Variants in RGPD4 observed in about 807,000 individuals in gnomAD.
RGPD4 encodes ranBP2-like and GRIP domain-containing protein 4.
A neutral mutation model predicts 141.1 loss-of-function variants in RGPD4; 84 were observed. That is an observed-to-expected ratio of 0.60 (90% CI 0.50 to 0.71). The LOEUF is 0.71. Ranked by LOEUF, RGPD4 falls within the 30% of genes least tolerant of loss-of-function variation. RGPD4 has a pLI of 0.00. For missense variants in RGPD4, 918 were observed against 1,622.4 expected (o/e 0.57, Z 7.46); for synonymous variants, 298 against 566.8 (o/e 0.53, Z 6.74).
chr2:107,846,307 C>A (rs962053419), intron 6 of RGPD4, among the ~76,000 whole-genome samples: 4 of 151,690 alleles, frequency 2.6e-5, no homozygotes, highest in Admixed American at 6.6e-5. Context: ...ACATCGTGAT[C>A]CGCCTGCCTT....
intron 1 of RGPD4, among the ~76,000 whole-genome samples, chr2:107,830,423 C>G (rs1681442223): frequency 2.0e-5 from 3 of 151,144 alleles, no homozygotes; most frequent in African/African-American, 7.3e-5. Flanking sequence ...TTAAAAACCA[C>G]TGGTCTAGAC....
Position 107,879,975 on chromosome 2 carries a change from A to T in RGPD4, c.4932A>T (p.Pro1644=), listed in dbSNP as rs748274336. 3 of 1,611,236 alleles carry T rather than the reference A, an allele frequency of 1.9e-6. No individual in the cohort carries two copies. The East Asian group carries it at 6.7e-5, about 36-fold the overall frequency. ...YTFKTPEKEP[P]LWHAEFTKEE... ...TGGAACAACATGTTGCAGAGCCTCC[A>T]TTATGGCATGCTGAATTTACCAAAG... Residue 1644 remains proline, a synonymous_variant, in exon 21 of 23, where the codon CCA becomes CCT. Coordinates refer to ENST00000408999, the MANE Select transcript of RGPD4 (RefSeq NM_182588.3).
At chr2:107,829,902 T>C (rs992565314) in intron 1 of RGPD4, among the ~76,000 whole-genome samples, 61 of 151,880 alleles carry the variant, frequency 4.0e-4, no homozygotes, top group Non-Finnish European at 7.8e-4. Context: ...CTTTATATGC[T>C]GCGGCGGAGG....
chr2:107,890,904 T>C lies in RGPD4; in HGVS notation c.*173T>C. 4.5e-6 allele frequency: 3 copies of C among 662,298 alleles called. No individual in the cohort carries two copies. Among genetic ancestry groups the C allele is most frequent in the South Asian group, 3.9e-5 (2 of 50,964 alleles). The allele number at this position is 662,298 out of a possible 1,614,324, so 41.0% of individuals were successfully genotyped here. On this transcript the variant is annotated 3_prime_UTR_variant, in exon 23 of 23. Coordinates refer to ENST00000408999, the MANE Select transcript of RGPD4 (RefSeq NM_182588.3). Reference sequence around the variant, plus strand: ...GTGTGTATATGTTTGCATTTACATATATTTGTACATCTATATGACAGATGT... The same window carrying C: ...GTGTGTATATGTTTGCATTTACATACATTTGTACATCTATATGACAGATGT...
In RGPD4 at chr2:107,827,046, C is replaced by T. The variant is rs552522111; in HGVS notation, c.33C>T (p.Tyr11=). MSCSKAYGER[Y]VASVQGSAPS... is the part of the protein sequence containing the mutation. ...GCAGCAAGGCCTACGGGGAGCGGTA[C>T]GTCGCCTCCGTGCAGGGCTCCGCCC... is the stretch of plus-strand genomic sequence containing the variant. Residue 11 remains tyrosine, a synonymous_variant, in exon 1 of 23, where the codon TAC becomes TAT. Coordinates refer to ENST00000408999, the MANE Select transcript of RGPD4 (RefSeq NM_182588.3). The T allele has an allele frequency of 2.3e-4, 373 of 1,598,072 alleles. 4 individuals carry two copies. In the East Asian group the frequency reaches 6.6e-3, roughly 28 times the overall value.
chr2:107,885,010 G>A (rs907998757), intron 22 of RGPD4, among the ~76,000 whole-genome samples: 1 of 151,832 alleles, frequency 6.6e-6, no homozygotes, highest in Admixed American at 6.6e-5. Flanking sequence ...AATGATGAAG[G>A]AGGAATGTTC....
Position 107,890,918 on chromosome 2 carries a change from T to C in RGPD4, c.*187T>C, listed in dbSNP as rs1675640684. 6.1e-6 allele frequency: 4 copies of C among 651,060 alleles called. No homozygotes were observed. In the Middle Eastern group the frequency reaches 1.1e-3, roughly 179 times the overall value. 40.3% of individuals were successfully genotyped at this position (651,060 alleles called of 1,614,324 possible). ...GCATTTACATATATTTGTACATCTATATGACAGATGTATTTTAAAAGTTTC... is the reference window on the plus strand; with the variant it reads ...GCATTTACATATATTTGTACATCTACATGACAGATGTATTTTAAAAGTTTC... On this transcript the variant is annotated 3_prime_UTR_variant, in exon 23 of 23. Coordinates refer to ENST00000408999, the MANE Select transcript of RGPD4 (RefSeq NM_182588.3).
At chr2:107,827,152 G>C (rs1322081037) in intron 1 of RGPD4, 67 bp downstream of exon 1, 28 of 553,070 alleles carry the variant, frequency 5.1e-5, no homozygotes, top group Non-Finnish European at 5.8e-5. Flanking sequence ...GACCTGGCCC[G>C]GCGGCGGCCT....
chr2:107,863,649 G>A (rs1682633847), intron 17 of RGPD4, among the ~76,000 whole-genome samples: 1 of 151,532 alleles, frequency 6.6e-6, no homozygotes, highest in Non-Finnish European at 1.5e-5. Context: ...CCCGCCACCA[G>A]GCCCAGCTAA....
rs1195281389 is a variant in RGPD4 at position 107,845,746 on chromosome 2, A to T, written c.782+2016A>T. Among the ~76,000 whole-genome samples the T allele has an allele frequency of 4.6e-5, 7 of 151,898 alleles. No homozygotes were observed. The East Asian group carries it at 1.4e-3, about 30-fold the overall frequency. ...GCTCGGCTAATTTTTTTGTATTTTT[A>T]GTAGAGACGGAGTGTCACCTTGTTA... On this transcript the variant is annotated intron_variant, in intron 6 of 22. Coordinates refer to ENST00000408999, the MANE Select transcript of RGPD4 (RefSeq NM_182588.3).
At chr2:107,854,750 T>A (rs1453072446) in intron 8 of RGPD4, 107 bp downstream of exon 8, 5 of 1,513,384 alleles carry the variant, frequency 3.3e-6, no homozygotes, top group South Asian at 2.5e-5. Context: ...TTGTCAAAAT[T>A]ATTTCTTTTC....
rs531703912 is a variant in RGPD4 at position 107,880,427 on chromosome 2, C to A, written c.5064+320C>A. On this transcript the variant is annotated intron_variant, in intron 21 of 22. Transcript: ENST00000408999. ...TACAGGTGCCCGCCAACATGCCTGG[C>A]TAATTTCTTTGTATTTTTAGTAGAG... Among the ~76,000 whole-genome samples, 423 of 150,838 alleles carry A rather than the reference C, an allele frequency of 2.8e-3. 11 individuals are homozygous for A. Among genetic ancestry groups the A allele is most frequent in the African/African-American group, 9.5e-3 (387 of 40,622 alleles).
At chr2:107,829,664 C>T (rs866739399) in intron 1 of RGPD4, among the ~76,000 whole-genome samples, 3 of 152,122 alleles carry the variant, frequency 2.0e-5, no homozygotes, top group Non-Finnish European at 2.9e-5. Flanking sequence ...GTGGCACTTG[C>T]GAGCGCAGGA....
chr2:107,854,300 G>T (rs1682224169), intron 7 of RGPD4, among the ~76,000 whole-genome samples: 1 of 151,212 alleles, frequency 6.6e-6, no homozygotes, highest in South Asian at 2.1e-4. Context: ...CTGACCTCAA[G>T]TGATCAGCCC....
intron 1 of RGPD4, 121 bp from the exon 2 acceptor site, chr2:107,836,480 AT>A: frequency 1.3e-5 from 14 of 1,053,374 alleles, no homozygotes; most frequent in African/African-American, 1.6e-5. Context: ...TTTAAAAAAA[AT>A]TTTTAAGTGA....
chr2:107,847,165 C>G (rs1467694865), intron 6 of RGPD4, among the ~76,000 whole-genome samples: 1 of 143,834 alleles, frequency 7.0e-6, no homozygotes, highest in African/African-American at 2.6e-5. Context: ...TCGCTTGAAC[C>G]TGGGAGTCAG....
intron 22 of RGPD4, among the ~76,000 whole-genome samples, chr2:107,884,159 G>A (rs1675443915): frequency 6.6e-6 from 1 of 152,022 alleles, no homozygotes; most frequent in East Asian, 1.9e-4. Flanking sequence ...CACCCTGGCT[G>A]GAGTGCAGTG....
At chr2:107,828,629 C>T (rs1198316536) in intron 1 of RGPD4, among the ~76,000 whole-genome samples, 2,548 of 23,610 alleles carry the variant, frequency 0.11, 7 homozygotes, top group Non-Finnish European at 0.16. Flanking sequence ...CCTGGCCCGG[C>T]GGCGGCCTCG....
At position 107,827,055 on chromosome 2, in the gene RGPD4, C is replaced by G. The variant is rs7576738; in HGVS notation, c.42C>G (p.Ser14=). 0.7 allele frequency: 1,097,312 copies of G among 1,561,608 alleles called. 393,888 individuals carry two copies. The highest frequency in any genetic ancestry group is 0.77 in the African/African-American group (52,909 of 68,384). The change falls in exon 1 of 23, where the codon TCC becomes TCG. Residue 14 remains serine (S), a synonymous_variant. Transcript: ENST00000408999. ...SKAYGERYVA[S]VQGSAPSPRK... ...CCTACGGGGAGCGGTACGTCGCCTC[C>G]GTGCAGGGCTCCGCCCCGTCGCCTC...
Sources: allele counts gnomAD v4.1 joint callset (sites outside exome capture counted in the v4.1 genomes callset), GRCh38; gene constraint gnomAD v4.1.1; transcripts MANE v1.5; gene names NCBI Gene and HGNC (gene_info 2026-07-23, HGNC 2026-07-21).